Variants in ME2 observed in about 807,000 individuals in gnomAD.
The protein encoded by ME2 is malic enzyme 2.
A neutral mutation model predicts 73.7 loss-of-function variants in ME2; 60 were observed. That is an observed-to-expected ratio of 0.81 (90% CI 0.66 to 1.01). The LOEUF is 1.01. Ranked by LOEUF, ME2 falls within the 50% of genes least tolerant of loss-of-function variation. The probability of loss-of-function intolerance (pLI) is 0.00; values close to 1 mark genes in which losing one functional copy is unlikely to be tolerated. For synonymous variants in ME2, 199 were observed against 236.9 expected (o/e 0.84, Z 1.47); for missense variants, 594 against 705.5 (o/e 0.84, Z 1.79).
chr18:50,881,050 C>G (rs1000913375), intron 1 of ME2, among the ~76,000 whole-genome samples: 1 of 152,158 alleles, frequency 6.6e-6, no homozygotes, highest in Admixed American at 6.5e-5. Flanking sequence ...CTCTTTAAGA[C>G]GGAGTTTTGC....
chr18:50,890,959 G>GC (rs1284055999), intron 1 of ME2, among the ~76,000 whole-genome samples: 4 of 152,134 alleles, frequency 2.6e-5, no homozygotes, highest in Non-Finnish European at 2.9e-5. Flanking sequence ...GCAGCTGGTG[G>GC]CCCAGGTACT....
chr18:50,913,517 G>A (rs993887204), intron 4 of ME2, among the ~76,000 whole-genome samples: 1 of 152,054 alleles, frequency 6.6e-6, no homozygotes, highest in Non-Finnish European at 1.5e-5. Flanking sequence ...ATTTTTAGTA[G>A]AGATGGGATT....
In ME2 at chr18:50,910,452, A is replaced by AAAG. The variant is rs1568165417; in HGVS notation, c.242+2258_242+2259insGAA. ...AGACCCTGTCTCAGAAAAAAAAAAA[A>AAAG]AAAAAGAAAAAGGCTAAACAAGAGC... On this transcript the variant is annotated intron_variant, in intron 3 of 15. Coordinates refer to ENST00000321341, the MANE Select transcript of ME2 (RefSeq NM_002396.5). Among the ~76,000 whole-genome samples the AAAG allele has an allele frequency of 4.2e-3, 644 of 151,638 alleles. 10 individuals are homozygous for AAAG. In the East Asian group the frequency reaches 0.065, roughly 15 times the overall value.
intron 1 of ME2, among the ~76,000 whole-genome samples, chr18:50,893,657 C>T (rs1010839191): frequency 6.6e-6 from 1 of 152,176 alleles, no homozygotes; most frequent in Non-Finnish European, 1.5e-5. Context: ...AAATCTCCTA[C>T]GTGTGATTTT....
rs755614871 is a variant in ME2 at position 50,920,641 on chromosome 18, A to T, written c.845-20A>T. On this transcript the variant is annotated intron_variant, in intron 8 of 15. Coordinates refer to ENST00000321341, the MANE Select transcript of ME2 (RefSeq NM_002396.5). ...AATGTGCCCATTTTTTATTTGTAAAAATCTTTGTTTTTCTTACAGGGACAG... is the reference window on the plus strand; with the variant it reads ...AATGTGCCCATTTTTTATTTGTAAATATCTTTGTTTTTCTTACAGGGACAG... 26 of 1,584,790 alleles carry T rather than the reference A, an allele frequency of 1.6e-5. No individual in the cohort carries two copies. Among genetic ancestry groups the T allele is most frequent in the Non-Finnish European group, 2.0e-5 (23 of 1,171,674 alleles).
chr18:50,944,662 T>C (rs1250337169), intron 15 of ME2, among the ~76,000 whole-genome samples: 2 of 152,170 alleles, frequency 1.3e-5, no homozygotes, highest in Non-Finnish European at 2.9e-5. Context: ...TGTCTAAAGC[T>C]TGCAGTTGTT....
At chr18:50,943,220 T>A (rs1461385225) in intron 15 of ME2, among the ~76,000 whole-genome samples, 1 of 152,188 alleles carries the variant, frequency 6.6e-6, no homozygotes, top group Non-Finnish European at 1.5e-5. Flanking sequence ...GGATTGACTG[T>A]GGAATTTATC....
chr18:50,937,241 A>G (rs1392638749), intron 13 of ME2, among the ~76,000 whole-genome samples: 2 of 152,206 alleles, frequency 1.3e-5, no homozygotes, highest in East Asian at 3.8e-4. Context: ...AAAAAATGCT[A>G]TTAACCATGT....
intron 15 of ME2, among the ~76,000 whole-genome samples, chr18:50,946,176 G>A (rs149096389): frequency 1.2e-3 from 179 of 152,184 alleles, no homozygotes; most frequent in African/African-American, 4.1e-3. Flanking sequence ...TGTGAGAGGT[G>A]CTGTGCTACC....
At position 50,952,783 on chromosome 18, in the gene ME2, C is replaced by T. The variant is rs961018012; in HGVS notation, c.*5599C>T. ...TCCTATACAGCCATTGGATTATCAC[C>T]AACACATTTGGTATATACAGTGGGC... is the stretch of plus-strand genomic sequence containing the variant. On this transcript the variant is annotated 3_prime_UTR_variant, in exon 16 of 16. Coordinates refer to ENST00000321341, the MANE Select transcript of ME2 (RefSeq NM_002396.5). 1.3e-5 allele frequency: 2 copies of T among 152,108 alleles called. No homozygotes were observed. Among genetic ancestry groups the T allele is most frequent in the Admixed American group, 1.3e-4 (2 of 15,274 alleles). 9.4% of individuals were successfully genotyped at this position (152,108 alleles called of 1,614,324 possible). A position where few individuals can be genotyped will look rare whatever the true frequency, so the allele number is the denominator to read the frequency against.
Position 50,948,424 on chromosome 18 carries a change from T to C in ME2, c.*1240T>C, listed in dbSNP as rs2144281497. The stretch of plus-strand genomic sequence containing the variant: ...GAAAACTTAAATGCTCATTCTAGGA[T>C]AGTAACAACAACAGATAATTCATCG... On this transcript the variant is annotated 3_prime_UTR_variant, in exon 16 of 16. Coordinates refer to ENST00000321341, the MANE Select transcript of ME2 (RefSeq NM_002396.5). 1 of 152,146 alleles carries C rather than the reference T, an allele frequency of 6.6e-6. No individual in the cohort carries two copies. The highest frequency in any genetic ancestry group is 2.4e-5 in the African/African-American group (1 of 41,522). The allele number at this position is 152,146 out of a possible 1,614,324, so 9.4% of individuals were successfully genotyped here. A position where few individuals can be genotyped will look rare whatever the true frequency, so the allele number is the denominator to read the frequency against.
chr18:50,893,232 G>A (rs1916651736), intron 1 of ME2, among the ~76,000 whole-genome samples: 1 of 150,684 alleles, frequency 6.6e-6, no homozygotes, highest in African/African-American at 2.5e-5. Flanking sequence ...GAGTGTATAT[G>A]CAAAATTGTA....
At chr18:50,942,212 G>C (rs552574243) in intron 15 of ME2, among the ~76,000 whole-genome samples, 192 of 152,186 alleles carry the variant, frequency 1.3e-3, no homozygotes, top group African/African-American at 4.2e-3. Flanking sequence ...ATTTTTTCCT[G>C]AGTAGTTAAC....
intron 2 of ME2, among the ~76,000 whole-genome samples, chr18:50,903,688 A>G (rs983861157): frequency 1.3e-5 from 2 of 152,170 alleles, no homozygotes; most frequent in African/African-American, 2.4e-5. Flanking sequence ...GGCTCAAGCA[A>G]TCTATCCGTG....
rs528506116 is a variant in ME2 at position 50,901,300 on chromosome 18, CA to C, written c.108+5373del. ...CGTTTGCCTTCTATCTTACATTTCTCATTACAAACGTAAATCAGTATTAAAG... is the reference window on the plus strand; with the variant it reads ...CGTTTGCCTTCTATCTTACATTTCTCTTACAAACGTAAATCAGTATTAAAG... On this transcript the variant is annotated intron_variant, in intron 2 of 15. Coordinates refer to ENST00000321341, the MANE Select transcript of ME2 (RefSeq NM_002396.5). 2.8e-3 allele frequency among the ~76,000 whole-genome samples: 426 copies of C among 152,292 alleles called. 3 individuals carry two copies. Among genetic ancestry groups the C allele is most frequent in the African/African-American group, 9.6e-3 (398 of 41,562 alleles).
chr18:50,919,561 A>C (rs1599109642), intron 7 of ME2, among the ~76,000 whole-genome samples: 1 of 152,050 alleles, frequency 6.6e-6, no homozygotes, highest in East Asian at 1.9e-4. Context: ...GATCCTTATC[A>C]ATTTCTATTC....
At chr18:50,896,696 C>G (rs1048119494) in intron 2 of ME2, among the ~76,000 whole-genome samples, 1 of 152,074 alleles carries the variant, frequency 6.6e-6, no homozygotes, top group Non-Finnish European at 1.5e-5. Context: ...AAAAGTGTGA[C>G]TTATTTTAAA....
chr18:50,931,665 CT>C (rs994452970), intron 12 of ME2, among the ~76,000 whole-genome samples: 7 of 147,280 alleles, frequency 4.8e-5, no homozygotes, highest in African/African-American at 1.2e-4. Context: ...TTTTAAATTT[CT>C]TTTTTTTTTC....
chr18:50,916,516 T>A, intron 5 of ME2: 1 of 269,108 alleles, frequency 3.7e-6, no homozygotes. Flanking sequence ...CTTCTCAATC[T>A]CCTTTTCTAT....
Sources: allele counts gnomAD v4.1 joint callset (sites outside exome capture counted in the v4.1 genomes callset), GRCh38; gene constraint gnomAD v4.1.1; transcripts MANE v1.5; gene names NCBI Gene and HGNC (gene_info 2026-07-23, HGNC 2026-07-21).